The following NEBL variants were observed in gnomAD, a reference collection of about 807,000 sequenced individuals.
The protein encoded by NEBL is nebulette.
A neutral mutation model predicts 140.2 loss-of-function variants in NEBL; 122 were observed. That is an observed-to-expected ratio of 0.87 (90% CI 0.75 to 1.01). NEBL has a LOEUF of 1.01. Ranked by LOEUF, NEBL falls within the 50% of genes least tolerant of loss-of-function variation. The probability of loss-of-function intolerance (pLI) is 0.00; values close to 1 mark genes in which losing one functional copy is unlikely to be tolerated. For synonymous variants in NEBL, 436 were observed against 398.9 expected, an observed-to-expected ratio of 1.09 and a Z score of -1.11; for missense variants, 1,365 against 1,231.3, an observed-to-expected ratio of 1.11 and a Z score of -1.62.
At chr10:21,242,791 T>C (rs1412934321) in intron 3 of NEBL, among the ~76,000 whole-genome samples, 3 of 152,092 alleles carry the variant, frequency 2.0e-5, no homozygotes, top group Non-Finnish European at 4.4e-5. Flanking sequence ...AAGCTAGGAC[T>C]GGAAAAAGAG....
intron 27 of NEBL, among the ~76,000 whole-genome samples, chr10:20,786,134 A>G (rs1835385340): frequency 6.6e-6 from 1 of 152,212 alleles, no homozygotes; most frequent in Non-Finnish European, 1.5e-5. Flanking sequence ...ACAGGGATAG[A>G]AAAGTCACTA....
At chr10:21,100,593 G>T (rs541210901) in intron 2 of NEBL, among the ~76,000 whole-genome samples, 2 of 152,246 alleles carry the variant, frequency 1.3e-5, no homozygotes, top group South Asian at 4.1e-4. Context: ...CAGGGCTTGG[G>T]GAGGAAAGTT....
At chr10:21,288,533 C>T (rs1170374938) in intron 1 of NEBL, among the ~76,000 whole-genome samples, 4 of 151,182 alleles carry the variant, frequency 2.6e-5, no homozygotes, top group African/African-American at 7.3e-5. Flanking sequence ...AAGGCTAAGG[C>T]GGGTGGATCA....
At chr10:21,144,438 G>T (rs1398034749) in intron 2 of NEBL, among the ~76,000 whole-genome samples, 1 of 152,200 alleles carries the variant, frequency 6.6e-6, no homozygotes, top group East Asian at 1.9e-4. Context: ...AATAAAATCA[G>T]AATGGGGCCG....
At chr10:20,875,201 T>C (rs1845372537) in intron 5 of NEBL, among the ~76,000 whole-genome samples, 1 of 152,208 alleles carries the variant, frequency 6.6e-6, no homozygotes, top group South Asian at 2.1e-4. Context: ...GCTTGTTCTC[T>C]CCTTATAATC....
intron 4 of NEBL, among the ~76,000 whole-genome samples, chr10:20,906,200 T>C (rs1848085340): frequency 6.6e-6 from 1 of 152,228 alleles, no homozygotes; most frequent in African/African-American, 2.4e-5. Flanking sequence ...TACATTTCTA[T>C]AATTACAGCT....
At chr10:20,937,088 G>T (rs1367565984) in intron 4 of NEBL, among the ~76,000 whole-genome samples, 2 of 152,126 alleles carry the variant, frequency 1.3e-5, no homozygotes, top group Non-Finnish European at 2.9e-5. Context: ...CAATGACACA[G>T]GCTCAGCTTT....
At chr10:20,911,357 A>G (rs1267769173) in intron 4 of NEBL, among the ~76,000 whole-genome samples, 1 of 152,192 alleles carries the variant, frequency 6.6e-6, no homozygotes, top group Admixed American at 6.5e-5. Context: ...ACCTGTTGTG[A>G]GCATTCAACA....
At chr10:21,201,552 A>G (rs1400337667) in intron 3 of NEBL, among the ~76,000 whole-genome samples, 1 of 152,238 alleles carries the variant, frequency 6.6e-6, no homozygotes, top group African/African-American at 2.4e-5. Context: ...TTATAAACAC[A>G]AAACTAGCTA....
At chr10:21,073,776 T>C (rs1003417845) in intron 2 of NEBL, among the ~76,000 whole-genome samples, 1 of 151,770 alleles carries the variant, frequency 6.6e-6, no homozygotes, top group Admixed American at 6.6e-5. Flanking sequence ...AGATGAATGC[T>C]ATGAAATGCC....
chr10:21,168,961 A>G (rs1237737166), intron 2 of NEBL, among the ~76,000 whole-genome samples: 1 of 148,916 alleles, frequency 6.7e-6, no homozygotes, highest in East Asian at 2.0e-4. Context: ...AGGCAGCAGA[A>G]TGGCATGAAC....
In NEBL at chr10:21,284,024, C is replaced by T. The variant is rs117435071; in HGVS notation, n.182+8806G>A. The stretch of plus-strand genomic sequence containing the variant: ...ACCAGCCTGGTTCAACATAGCAAAA[C>T]CTAATCTGCACTAAAAAAAAAAAAA... On this transcript the variant is annotated intron_variant and non_coding_transcript_variant, in intron 1 of 8. Coordinates refer to the NEBL transcript ENST00000675702. 9.8e-3 allele frequency among the ~76,000 whole-genome samples: 1,164 copies of T among 118,698 alleles called. 11 individuals carry two copies. The highest frequency in any genetic ancestry group is 0.014 in the Non-Finnish European group (845 of 59,930). 77.9% of individuals were successfully genotyped at this position (118,698 alleles called of 152,430 possible).
chr10:21,112,989 C>G (rs549235513), intron 2 of NEBL: 2 of 289,692 alleles, frequency 6.9e-6, no homozygotes, highest in South Asian at 3.7e-5. Context: ...CAAGTTTCCA[C>G]AGAAAAAAAG....
chr10:20,803,587 A>G lies in NEBL; in HGVS notation c.2761+4923T>C, dbSNP rs1837327609. Among the ~76,000 whole-genome samples the G allele has an allele frequency of 2.0e-5, 3 of 152,052 alleles. No homozygotes were observed. In the South Asian group the frequency reaches 6.2e-4, roughly 32 times the overall value. On this transcript the variant is annotated intron_variant, in intron 26 of 27. Coordinates refer to ENST00000377122, the MANE Select transcript of NEBL (RefSeq NM_006393.3). ...ATAAACATTTCTTCATCTTACCCCT[A>G]ACTAGTATTGTTATAAAATTCTTTT...
chr10:20,784,376 C>T lies in NEBL; in HGVS notation c.*1371G>A, dbSNP rs1835235322. 1 of 152,094 alleles carries T rather than the reference C, an allele frequency of 6.6e-6. No individual in the cohort carries two copies. The highest frequency in any genetic ancestry group is 6.6e-5 in the Admixed American group (1 of 15,260). 9.4% of individuals were successfully genotyped at this position (152,094 alleles called of 1,614,324 possible). A position where few individuals can be genotyped will look rare whatever the true frequency, so the allele number is the denominator to read the frequency against. On this transcript the variant is annotated 3_prime_UTR_variant, in exon 28 of 28. Transcript: ENST00000377122. ...GGCTAGCATAAAGCCTGCAAAGTCA[C>T]TTATTCGAAAATCAAAACATGGCAA...
intron 11 of NEBL, among the ~76,000 whole-genome samples, chr10:20,847,309 C>T (rs1437198279): frequency 6.6e-6 from 1 of 152,104 alleles, no homozygotes; most frequent in Non-Finnish European, 1.5e-5. Flanking sequence ...GAGCCTAAAA[C>T]ATCTAATAGT....
intron 24 of NEBL, among the ~76,000 whole-genome samples, chr10:20,811,719 C>G (rs955137595): frequency 2.0e-5 from 3 of 152,062 alleles, no homozygotes; most frequent in Non-Finnish European, 4.4e-5. Context: ...TTCACTAGTA[C>G]CAAAAAATAA....
At chr10:20,956,800 G>GA (rs980227499) in intron 4 of NEBL, among the ~76,000 whole-genome samples, 1 of 151,816 alleles carries the variant, frequency 6.6e-6, no homozygotes, top group Non-Finnish European at 1.5e-5. Flanking sequence ...AATATAAAAA[G>GA]AAAAAAATCT....
rs148725524 is a variant in NEBL at position 21,136,296 on chromosome 10, A to G, written c.164+36087T>C. 3.7e-3 allele frequency among the ~76,000 whole-genome samples: 569 copies of G among 152,322 alleles called. 1 individual carries two copies. Among genetic ancestry groups the G allele is most frequent in the African/African-American group, 0.013 (551 of 41,580 alleles). The stretch of plus-strand genomic sequence containing the variant: ...AAGAAAGCCCCAAATACAACTGGCG[A>G]CTGTTGAAATCCAAGGACTGCTCTC... On this transcript the variant is annotated intron_variant, in intron 2 of 6. Transcript: ENST00000417816.
Sources: gnomAD v4.1 joint callset for allele counts (sites outside exome capture counted in the v4.1 genomes callset) on GRCh38, gnomAD v4.1.1 for gene constraint, MANE v1.5 for transcripts, NCBI Gene and HGNC (gene_info 2026-07-23, HGNC 2026-07-21) for gene names.